Variants in GDPD4 observed in about 807,000 individuals in gnomAD.
GDPD4 encodes the protein glycerophosphodiester phosphodiesterase 6.
In GDPD4, 60 loss-of-function variants were observed where a neutral mutation model predicts 67.8. The observed-to-expected ratio is 0.88, with a 90% confidence interval of 0.72 to 1.10. The LOEUF is 1.10. GDPD4 is among the 50% of genes least tolerant of loss of function. The probability of loss-of-function intolerance (pLI) is 0.00; values close to 1 mark genes in which losing one functional copy is unlikely to be tolerated. For missense variants in GDPD4, 623 were observed against 613.9 expected, an observed-to-expected ratio of 1.01 and a Z score of -0.16; for synonymous variants, 212 against 210.9, an observed-to-expected ratio of 1.00 and a Z score of -0.04.
intron 11 of GDPD4, among the ~76,000 whole-genome samples, chr11:77,251,329 T>C (rs1355133004): frequency 1.3e-5 from 2 of 152,214 alleles, no homozygotes; most frequent in African/African-American, 4.8e-5. Context: ...TGCTTTTCCA[T>C]GTTTTCATAA....
chr11:77,275,637 T>C (rs2135878130), intron 5 of GDPD4, among the ~76,000 whole-genome samples: 1 of 152,174 alleles, frequency 6.6e-6, no homozygotes, highest in South Asian at 2.1e-4. Flanking sequence ...CGTTTCTCCA[T>C]CTCCTCTTCC....
At chr11:77,259,974 T>C (rs547897055) in intron 10 of GDPD4, among the ~76,000 whole-genome samples, 2 of 152,196 alleles carry the variant, frequency 1.3e-5, no homozygotes, top group East Asian at 3.9e-4. Flanking sequence ...GAGGAGAGTC[T>C]TCAGTAATTA....
At chr11:77,287,759 G>A (rs1373001757) in intron 1 of GDPD4, among the ~76,000 whole-genome samples, 1 of 152,162 alleles carries the variant, frequency 6.6e-6, no homozygotes, top group Non-Finnish European at 1.5e-5. Context: ...GCAATATGCT[G>A]TTGAAATAAC....
intron 5 of GDPD4, among the ~76,000 whole-genome samples, chr11:77,273,367 C>T (rs1959305145): frequency 6.6e-6 from 1 of 152,200 alleles, no homozygotes; most frequent in Non-Finnish European, 1.5e-5. Context: ...GTTTGAAGAC[C>T]TGAAGACTCA....
chr11:77,288,802 G>C (rs1937660665), intron 1 of GDPD4, among the ~76,000 whole-genome samples: 2 of 152,146 alleles, frequency 1.3e-5, no homozygotes, highest in South Asian at 4.1e-4. Context: ...TCCAGCAAGA[G>C]ATTCCAATGT....
chr11:77,255,822 A>T (rs1958992470), intron 11 of GDPD4, among the ~76,000 whole-genome samples: 1 of 151,862 alleles, frequency 6.6e-6, no homozygotes, highest in Non-Finnish European at 1.5e-5. Context: ...AGCCGAGATC[A>T]CACCACCGCA....
intron 1 of GDPD4, among the ~76,000 whole-genome samples, chr11:77,300,454 A>G (rs187882487): frequency 2.2e-4 from 33 of 152,178 alleles, no homozygotes; most frequent in African/African-American, 8.0e-4. Flanking sequence ...CACCGAAACT[A>G]TAACAGTACC....
At chr11:77,263,500 C>T (rs1335668163) in intron 10 of GDPD4, among the ~76,000 whole-genome samples, 1 of 151,998 alleles carries the variant, frequency 6.6e-6, no homozygotes, top group Non-Finnish European at 1.5e-5. Context: ...AAAAAATGCT[C>T]CATTAGTCCA....
intron 13 of GDPD4, among the ~76,000 whole-genome samples, chr11:77,234,257 C>G (rs1192829393): frequency 6.6e-6 from 1 of 151,998 alleles, no homozygotes; most frequent in African/African-American, 2.4e-5. Flanking sequence ...CCAATCCCTG[C>G]AGATAAAGAT....
intron 5 of GDPD4, among the ~76,000 whole-genome samples, chr11:77,272,179 T>C (rs184094327): frequency 1.9e-4 from 29 of 152,284 alleles, no homozygotes; most frequent in Non-Finnish European, 3.8e-4. Context: ...CTACCAAACA[T>C]TTAAGGAAGA....
At chr11:77,291,895 T>A (rs1391879152) in intron 1 of GDPD4, among the ~76,000 whole-genome samples, 1 of 152,146 alleles carries the variant, frequency 6.6e-6, no homozygotes, top group Non-Finnish European at 1.5e-5. Context: ...CTGGGCATGG[T>A]GGCGCATGCC....
At chr11:77,222,888 C>A (rs1303375480) in intron 16 of GDPD4, among the ~76,000 whole-genome samples, 1 of 152,198 alleles carries the variant, frequency 6.6e-6, no homozygotes, top group Non-Finnish European at 1.5e-5. Flanking sequence ...TAGATTTGGT[C>A]TTTTCACGTA....
At chr11:77,226,988 GAAATT>G (rs565597350) in intron 16 of GDPD4, among the ~76,000 whole-genome samples, 24 of 152,302 alleles carry the variant, frequency 1.6e-4, no homozygotes, top group South Asian at 6.2e-4. Context: ...TTGTCCATAA[GAAATT>G]AAATTAAATT....
chr11:77,253,784 C>T (rs1958951304), intron 11 of GDPD4, among the ~76,000 whole-genome samples: 1 of 152,092 alleles, frequency 6.6e-6, no homozygotes, highest in Non-Finnish European at 1.5e-5. Flanking sequence ...GAGGGCAGTG[C>T]ACAGTTTCAA....
intron 1 of GDPD4, among the ~76,000 whole-genome samples, 187 bp from the exon 2 acceptor site, chr11:77,287,607 G>A (rs549850579): frequency 6.6e-6 from 1 of 152,248 alleles, no homozygotes; most frequent in African/African-American, 2.4e-5. Context: ...CCACTAACTT[G>A]TTGAGTGTTT....
chr11:77,281,736 AG>A (rs1374145551), intron 3 of GDPD4, among the ~76,000 whole-genome samples: 1 of 152,164 alleles, frequency 6.6e-6, no homozygotes, highest in Non-Finnish European at 1.5e-5. Flanking sequence ...GTTACATTCT[AG>A]GAGTAAGCAC....
chr11:77,285,642 AT>A (rs545157881), intron 2 of GDPD4, among the ~76,000 whole-genome samples: 2 of 152,088 alleles, frequency 1.3e-5, no homozygotes, highest in African/African-American at 4.8e-5. Context: ...TTAAAGAATA[AT>A]TTTTTTTAAG....
At chr11:77,228,001 CCCCTTCCAT>C in intron 15 of GDPD4, 85 bp from the exon 16 acceptor site, 1 of 900,746 alleles carries the variant, frequency 1.1e-6, no homozygotes, top group East Asian at 2.4e-5. Flanking sequence ...GATCTTCTTC[CCCCTTCCAT>C]CTTGAAACTT....
At chr11:77,257,720 A>C (rs547307212) in intron 11 of GDPD4, among the ~76,000 whole-genome samples, 1 of 152,206 alleles carries the variant, frequency 6.6e-6, no homozygotes, top group East Asian at 1.9e-4. Flanking sequence ...TTCCAGAGGA[A>C]CCATTCATAC....
Sources: allele counts gnomAD v4.1 joint callset (sites outside exome capture counted in the v4.1 genomes callset), GRCh38; gene constraint gnomAD v4.1.1; transcripts MANE v1.5; gene names NCBI Gene and HGNC (gene_info 2026-07-23, HGNC 2026-07-21).